Variants in YKT6 observed in about 807,000 individuals in gnomAD.
The protein encoded by YKT6 is YKT6 vesicular SNARE protein.
Under a neutral mutation model 29.3 loss-of-function variants are expected in YKT6, and 12 were observed. The ratio of observed to expected loss-of-function variants is 0.41; its 90% CI spans 0.26 to 0.66. YKT6 has a LOEUF of 0.66. Among genes scored for constraint, YKT6 ranks in the 30% least tolerant of loss-of-function variants. The pLI, the probability that YKT6 is intolerant of heterozygous loss-of-function variation, is 0.32. For missense variants in YKT6, 188 were observed against 243.8 expected (o/e 0.77, Z 1.52); for synonymous variants, 86 against 94.3 (o/e 0.91, Z 0.51).
intron 3 of YKT6, among the ~76,000 whole-genome samples, chr7:44,207,081 CCTT>C (rs2096341632): frequency 1.3e-5 from 2 of 152,098 alleles, no homozygotes; most frequent in Non-Finnish European, 2.9e-5. Flanking sequence ...GACCAGTGCC[CCTT>C]TTTTCTGGAA....
intron 6 of YKT6, among the ~76,000 whole-genome samples, chr7:44,211,330 C>T (rs1022611023): frequency 3.3e-5 from 5 of 152,190 alleles, no homozygotes; most frequent in African/African-American, 4.8e-5. Context: ...GGAGTCGATG[C>T]GGGCCGAGGC....
chr7:44,212,842 C>T lies in YKT6; in HGVS notation c.*560C>T, dbSNP rs1239136716. ...CAAGGCCTGGGGCGGGGGGAACAGTCACTGGGTCTCAGATTCTGAGACTGT... is the reference window on the plus strand; with the variant it reads ...CAAGGCCTGGGGCGGGGGGAACAGTTACTGGGTCTCAGATTCTGAGACTGT... On this transcript the variant is annotated 3_prime_UTR_variant, in exon 7 of 7. Coordinates refer to ENST00000223369, the MANE Select transcript of YKT6 (RefSeq NM_006555.4). 6.6e-6 allele frequency: 1 copy of T among 152,474 alleles called. No homozygotes were observed. Among genetic ancestry groups the T allele is most frequent in the Non-Finnish European group, 1.5e-5 (1 of 68,234 alleles). The allele number at this position is 152,474 out of a possible 1,614,324, so 9.4% of individuals were successfully genotyped here.
chr7:44,202,139 G>C (rs574492749), intron 1 of YKT6, among the ~76,000 whole-genome samples: 1 of 152,018 alleles, frequency 6.6e-6, no homozygotes, highest in Non-Finnish European at 1.5e-5. Context: ...GGAATCTGCC[G>C]TTTGGATTCT....
chr7:44,201,258 TG>T lies in YKT6; in HGVS notation c.104+22del, dbSNP rs1252992244. The T allele has an allele frequency of 1.3e-6, 2 of 1,519,512 alleles. No homozygotes were observed. The highest frequency in any genetic ancestry group is 1.8e-6 in the Non-Finnish European group (2 of 1,123,264). The allele number at this position is 1,519,512 out of a possible 1,614,324, so 94.1% of individuals were successfully genotyped here. ...GATCCAGGTGAGCGGCACAGGCTGG[TG>T]GGCCGTGGCGGTCGGGCGGAGAGGA... On this transcript the variant is annotated intron_variant, in intron 1 of 6. Transcript: ENST00000223369.
intron 1 of YKT6, among the ~76,000 whole-genome samples, chr7:44,202,038 C>T (rs930924916): frequency 6.6e-6 from 1 of 152,108 alleles, no homozygotes; most frequent in African/African-American, 2.4e-5. Flanking sequence ...ACTTCCAGAC[C>T]ATTCGTGGGA....
At chr7:44,210,423 G>A (rs1728040484) in intron 5 of YKT6, among the ~76,000 whole-genome samples, 1 of 152,196 alleles carries the variant, frequency 6.6e-6, no homozygotes, top group Non-Finnish European at 1.5e-5. Flanking sequence ...CCTTCTGTGT[G>A]TGTGTTTCCG....
intron 1 of YKT6, among the ~76,000 whole-genome samples, chr7:44,201,938 C>T (rs987746181): frequency 2.0e-5 from 3 of 152,160 alleles, no homozygotes; most frequent in Non-Finnish European, 4.4e-5. Flanking sequence ...ACGGAAGATG[C>T]AAATGAAGCA....
At position 44,206,485 on chromosome 7, in the gene YKT6, G is replaced by A; in HGVS notation, c.288G>A (p.Lys96=). 1.2e-6 allele frequency: 2 copies of A among 1,613,780 alleles called. No individual in the cohort carries two copies. The highest frequency in any genetic ancestry group is 1.1e-5 in the South Asian group (1 of 91,058). Residue 96 remains lysine, a splice_region_variant and synonymous_variant, in exon 3 of 7, where the codon AAG becomes AAA. Transcript: ENST00000223369. ...PSRVAFTLLE[K]VLDEFSKQVD... is the part of the protein sequence containing the mutation. ...GGGTGGCCTTTACCTTGCTGGAGAAGGTGAGTTTTTTATTTGCCTCTCCTG... is the reference window on the plus strand; with the variant it reads ...GGGTGGCCTTTACCTTGCTGGAGAAAGTGAGTTTTTTATTTGCCTCTCCTG...
chr7:44,211,188 T>A, intron 6 of YKT6, 64 bp downstream of exon 6: 1 of 1,390,042 alleles, frequency 7.2e-7, no homozygotes, highest in Non-Finnish European at 1.0e-6. Flanking sequence ...AGCTTGCTGC[T>A]TCTGGCACTC....
intron 2 of YKT6, among the ~76,000 whole-genome samples, chr7:44,205,888 T>G (rs550341534): frequency 1.3e-5 from 2 of 152,306 alleles, no homozygotes; most frequent in Admixed American, 1.3e-4. Context: ...ACCCAGCAGG[T>G]TGCTATAATA....
At chr7:44,208,505 G>A (rs1171824412) in intron 5 of YKT6, 1 of 348,904 alleles carries the variant, frequency 2.9e-6, no homozygotes, top group Non-Finnish European at 5.5e-6. Flanking sequence ...GGCTTCTGAA[G>A]ACCTGGATTC....
rs1425783850 is a variant in YKT6, at chr7:44,214,107, A to AGGGC, written c.*1830_*1833dup. Reference sequence around the variant, plus strand: ...GCTTGCAGGTCAGCCCCTGCCTTGCAGGGCGGGCTGGCTTGACTCAGGCCC... The same window carrying AGGGC: ...GCTTGCAGGTCAGCCCCTGCCTTGCAGGGCGGGCGGGCTGGCTTGACTCAGGCCC... On this transcript the variant is annotated 3_prime_UTR_variant, in exon 7 of 7. Transcript: ENST00000223369. 6.6e-6 allele frequency: 1 copy of AGGGC among 152,250 alleles called. No homozygotes were observed. The highest frequency in any genetic ancestry group is 1.5e-5 in the Non-Finnish European group (1 of 68,050). 9.4% of individuals were successfully genotyped at this position (152,250 alleles called of 1,614,324 possible). A position where few individuals can be genotyped will look rare whatever the true frequency, so the allele number is the denominator to read the frequency against.
At chr7:44,203,656 G>A (rs1562741540) in intron 1 of YKT6, among the ~76,000 whole-genome samples, 3 of 152,116 alleles carry the variant, frequency 2.0e-5, no homozygotes, top group Non-Finnish European at 2.9e-5. Context: ...AAGTAATACT[G>A]TGTGTGCAGG....
intron 5 of YKT6, 160 bp downstream of exon 5, chr7:44,208,358 CTG>C: frequency 2.8e-6 from 2 of 720,644 alleles, no homozygotes; most frequent in Admixed American, 2.3e-5. Flanking sequence ...GGGCATCAGA[CTG>C]TCTTTCCTAT....
At chr7:44,211,318 T>C (rs2096346627) in intron 6 of YKT6, among the ~76,000 whole-genome samples, 194 bp downstream of exon 6, 1 of 152,178 alleles carries the variant, frequency 6.6e-6, no homozygotes, top group Non-Finnish European at 1.5e-5. Flanking sequence ...TTGGGCGCCG[T>C]TGGAGTCGAT....
intron 1 of YKT6, 61 bp from the exon 2 acceptor site, chr7:44,204,507 T>A: frequency 1.3e-6 from 2 of 1,556,664 alleles, no homozygotes; most frequent in Non-Finnish European, 1.8e-6. Flanking sequence ...GAGGTCACTT[T>A]CCACTGTGTT....
rs2096348244 is a variant in YKT6 at position 44,212,748 on chromosome 7, C to G, written c.*466C>G. 6.5e-6 allele frequency: 1 copy of G among 154,032 alleles called. No individual in the cohort carries two copies. The highest frequency in any genetic ancestry group is 2.4e-5 in the African/African-American group (1 of 41,526). 9.5% of individuals were successfully genotyped at this position (154,032 alleles called of 1,614,324 possible). ...TTTGAAGACTCTTGGGAAAGCCTCT[C>G]CTGGGGCCACTGTTGGGGGTGGGAG... On this transcript the variant is annotated 3_prime_UTR_variant, in exon 7 of 7. Coordinates refer to ENST00000223369, the MANE Select transcript of YKT6 (RefSeq NM_006555.4).
rs771304171 is a variant in YKT6 at position 44,201,524 on chromosome 7, A to G, written c.104+285A>G. On this transcript the variant is annotated intron_variant, in intron 1 of 6. Transcript: ENST00000223369. ...TTTGAGGAACCAACATTAGCTCTTT[A>G]AGAGCTTATACCATTCTAGAATATA... Among the ~76,000 whole-genome samples, 76 of 152,178 alleles carry G rather than the reference A, an allele frequency of 5.0e-4. 1 individual carries two copies. The highest frequency in any genetic ancestry group is 8.7e-4 in the Non-Finnish European group (59 of 68,022).
Position 44,206,435 on chromosome 7 carries a change from A to G in YKT6, c.238A>G (p.Ile80Val). The G allele has an allele frequency of 6.2e-7, 1 of 1,614,122 alleles. No individual in the cohort carries two copies. The highest frequency in any genetic ancestry group is 1.3e-5 in the African/African-American group (1 of 75,042). The change falls in exon 3 of 7, where the codon ATT (isoleucine) becomes GTT (valine). Residue 80 changes from isoleucine (I) to valine (V), a missense_variant. Ile to Val is a conservative substitution (Grantham distance 29, BLOSUM62 3). Around this residue, in one of 3 missense-constraint regions of YKT6, gnomAD observed 100 missense variants for 136.3 expected, o/e 0.73. Transcript: ENST00000223369. ...GAATGATAGTCTTGCAGGTGTGGTC[A>G]TTGCTGACAATGAATACCCATCCCG... is the stretch of plus-strand genomic sequence containing the variant. Reference protein sequence around the residue: ...VRNDSLAGVVIADNEYPSRVA... With the variant: ...VRNDSLAGVVVADNEYPSRVA...
Sources: allele counts gnomAD v4.1 joint callset (sites outside exome capture counted in the v4.1 genomes callset), GRCh38; gene constraint gnomAD v4.1.1; regional missense constraint gnomAD v4.1.1; transcripts MANE v1.5; gene names NCBI Gene and HGNC (gene_info 2026-07-23, HGNC 2026-07-21).